Variants in TRAPPC6B observed in about 807,000 individuals in gnomAD.
TRAPPC6B encodes the protein trafficking protein particle complex subunit 6B.
In TRAPPC6B, 27 loss-of-function variants were observed where a neutral mutation model predicts 24.7. The observed-to-expected ratio is 1.09, with a 90% CI of 0.81 to 1.51. The LOEUF (loss-of-function observed/expected upper bound fraction) is 1.51. Among genes scored for constraint, TRAPPC6B ranks in the 40% most tolerant of loss-of-function variants. TRAPPC6B has a pLI of 0.00. For synonymous variants in TRAPPC6B, 80 were observed against 66.6 expected (o/e 1.20, Z -0.98); for missense variants, 212 against 190.8 (o/e 1.11, Z -0.66).
At chr14:39,150,469 G>A (rs2052898695) in intron 5 of TRAPPC6B, 88 bp from the exon 6 acceptor site, 3 of 972,680 alleles carry the variant, frequency 3.1e-6, no homozygotes, top group Non-Finnish European at 4.6e-6. Flanking sequence ...ATAGGAAATA[G>A]TTTCAGTCAA....
rs2053073488 is a variant in TRAPPC6B at position 39,162,890 on chromosome 14, C to T, written c.82-3340G>A. On this transcript the variant is annotated intron_variant, in intron 1 of 5. Transcript: ENST00000330149. ...TTCAACCTTCTGCAGATGCACTCTGCCCCGTCCCTTAAACATGCCAGGCAC... is the reference window on the plus strand; with the variant it reads ...TTCAACCTTCTGCAGATGCACTCTGTCCCGTCCCTTAAACATGCCAGGCAC... Among the ~76,000 whole-genome samples, 3 of 143,506 alleles carry T rather than the reference C, an allele frequency of 2.1e-5. No homozygotes were observed. The South Asian group carries it at 6.2e-4, about 30-fold the overall frequency. 94.1% of individuals were successfully genotyped at this position (143,506 alleles called of 152,430 possible). A position where few individuals can be genotyped will look rare whatever the true frequency, so the allele number is the denominator to read the frequency against.
chr14:39,151,881 A>G (rs754712268), intron 4 of TRAPPC6B, 42 bp from the exon 5 acceptor site: 1 of 1,332,090 alleles, frequency 7.5e-7, no homozygotes, highest in South Asian at 1.3e-5. Context: ...AGGATTTACT[A>G]AAATAGTAAA....
chr14:39,152,134 A>G (rs574783177), intron 4 of TRAPPC6B, among the ~76,000 whole-genome samples: 2 of 152,310 alleles, frequency 1.3e-5, no homozygotes, highest in Admixed American at 1.3e-4. Flanking sequence ...TTAGTTCTGG[A>G]GGCAGTAAAG....
rs188037992 is a variant in TRAPPC6B, at chr14:39,158,328, G to A, written c.224C>T (p.Thr75Met). The A allele has an allele frequency of 2.1e-5, 33 of 1,602,672 alleles. No individual in the cohort carries two copies. Among genetic ancestry groups the A allele is most frequent in the African/African-American group, 2.7e-5 (2 of 74,400 alleles). The stretch of plus-strand genomic sequence containing the variant: ...ATTGTCGATTTGTTTCTTGAATACC[G>A]TAGTCCAAAAATCTTTACAAATGAA... ...MKFICKDFWT[T>M]VFKKQIDNLR... The change falls in exon 3 of 6, where the codon ACG becomes ATG. Residue 75 changes from threonine to methionine, a missense_variant. Thr to Met is a moderately conservative substitution (Grantham distance 81). Transcript: ENST00000330149.
In TRAPPC6B at chr14:39,164,004, G is replaced by A. The variant is rs1208521943; in HGVS notation, c.82-4454C>T. Among the ~76,000 whole-genome samples the A allele has an allele frequency of 4.0e-5, 6 of 148,272 alleles. 1 individual carries two copies. The highest frequency in any genetic ancestry group is 1.6e-4 in the African/African-American group (6 of 37,868). The stretch of plus-strand genomic sequence containing the variant: ...CCCAACCCCCCATACACTGTAGTCC[G>A]GTGGAGCCTATCTTTTACAAGCTTT... On this transcript the variant is annotated intron_variant, in intron 1 of 5. Coordinates refer to ENST00000330149, the MANE Select transcript of TRAPPC6B (RefSeq NM_001079537.2).
At chr14:39,168,128 A>T (rs1311205883) in intron 1 of TRAPPC6B, among the ~76,000 whole-genome samples, 1 of 151,920 alleles carries the variant, frequency 6.6e-6, no homozygotes, top group Non-Finnish European at 1.5e-5. Context: ...AAGCAGGAGA[A>T]TCGCTTGAAC....
Position 39,150,203 on chromosome 14 carries a change from C to T in TRAPPC6B, c.*147G>A. 1.5e-6 allele frequency: 1 copy of T among 659,806 alleles called. No homozygotes were observed. Among genetic ancestry groups the T allele is most frequent in the Non-Finnish European group, 2.5e-6 (1 of 406,184 alleles). The allele number at this position is 659,806 out of a possible 1,614,324, so 40.9% of individuals were successfully genotyped here. A position where few individuals can be genotyped will look rare whatever the true frequency, so the allele number is the denominator to read the frequency against. On this transcript the variant is annotated 3_prime_UTR_variant, in exon 6 of 6. Transcript: ENST00000330149. The stretch of plus-strand genomic sequence containing the variant: ...ATGTCATGGCAGAATGTCCCTTCAT[C>T]TCCTTTGATCTGTGTTAAATTGATA...
intron 1 of TRAPPC6B, among the ~76,000 whole-genome samples, chr14:39,160,812 T>C (rs961873663): frequency 1.3e-5 from 2 of 152,350 alleles, no homozygotes; most frequent in Non-Finnish European, 1.5e-5. Context: ...ACAGCCGATG[T>C]TGGTAGGAAT....
At chr14:39,159,279 ATATTTT>A (rs574160256) in intron 2 of TRAPPC6B, 198 bp downstream of exon 2, 221 of 276,340 alleles carry the variant, frequency 8.0e-4, no homozygotes, top group African/African-American at 4.5e-3. Flanking sequence ...TATAAAATAT[ATATTTT>A]CTTTAAACAT....
At position 39,158,315 on chromosome 14, in the gene TRAPPC6B, T is replaced by A; in HGVS notation, c.237A>T (p.Lys79Asn). 1 of 1,598,936 alleles carries A rather than the reference T, an allele frequency of 6.3e-7. No homozygotes were observed. Among genetic ancestry groups the A allele is most frequent in the South Asian group, 1.1e-5 (1 of 87,574 alleles). The change falls in exon 3 of 6, where the codon AAA becomes AAT. Residue 79 changes from lysine (K) to asparagine (N), a missense_variant. Physicochemically the swap from Lys to Asn is moderately conservative, Grantham distance 94 (BLOSUM62 0). Coordinates refer to ENST00000330149, the MANE Select transcript of TRAPPC6B (RefSeq NM_001079537.2). ...GATTTGTCCTTAGATTGTCGATTTG[T>A]TTCTTGAATACCGTAGTCCAAAAAT... ...CKDFWTTVFK[K>N]QIDNLRTNHQ...
intron 2 of TRAPPC6B, 48 bp from the exon 3 acceptor site, chr14:39,158,450 G>C (rs1214638967): frequency 1.9e-6 from 2 of 1,070,434 alleles, no homozygotes; most frequent in African/African-American, 1.6e-5. Flanking sequence ...TCCAAAAAAA[G>C]CAAGAGGGAC....
intron 3 of TRAPPC6B, 113 bp downstream of exon 3, chr14:39,158,172 A>T: frequency 1.6e-6 from 1 of 641,750 alleles, no homozygotes; most frequent in South Asian, 2.2e-5. Context: ...AATAACATAA[A>T]CATATTCCAA....
chr14:39,150,075 A>G lies in TRAPPC6B; in HGVS notation c.*275T>C, dbSNP rs532004694. On this transcript the variant is annotated 3_prime_UTR_variant, in exon 6 of 6. Transcript: ENST00000330149. Reference sequence around the variant, plus strand: ...TGTTTCTCCATCTATGGCTAAATACATATCACTCTAACCAAATAAAAAGGT... The same window carrying G: ...TGTTTCTCCATCTATGGCTAAATACGTATCACTCTAACCAAATAAAAAGGT... 5.4e-5 allele frequency: 16 copies of G among 295,836 alleles called. No individual in the cohort carries two copies. The highest frequency in any genetic ancestry group is 1.7e-4 in the African/African-American group (8 of 45,810). 18.3% of individuals were successfully genotyped at this position (295,836 alleles called of 1,614,324 possible).
intron 4 of TRAPPC6B, among the ~76,000 whole-genome samples, chr14:39,152,512 T>C (rs1179252354): frequency 6.6e-6 from 1 of 152,150 alleles, no homozygotes; most frequent in African/African-American, 2.4e-5. Flanking sequence ...ATTACCCACA[T>C]CTATACTGCA....
intron 1 of TRAPPC6B, among the ~76,000 whole-genome samples, chr14:39,164,718 T>C (rs2053090677): frequency 6.6e-6 from 1 of 152,072 alleles, no homozygotes; most frequent in African/African-American, 2.4e-5. Context: ...GCACCTATAG[T>C]CCCAGCTACT....
intron 4 of TRAPPC6B, 146 bp downstream of exon 4, chr14:39,154,065 T>A (rs2052947431): frequency 1.8e-6 from 1 of 566,882 alleles, no homozygotes; most frequent in Non-Finnish European, 3.1e-6. Context: ...TATTGTAACA[T>A]GTCTCTCATT....
intron 4 of TRAPPC6B, 124 bp from the exon 5 acceptor site, chr14:39,151,963 GA>G: frequency 1.5e-6 from 1 of 665,528 alleles, no homozygotes; most frequent in South Asian, 2.3e-5. Context: ...GGATTTTGAA[GA>G]ACTGTTCAAA....
At position 39,152,832 on chromosome 14, in the gene TRAPPC6B, C is replaced by T. The variant is rs564389619; in HGVS notation, c.352-993G>A. The stretch of plus-strand genomic sequence containing the variant: ...TTTTCACAGCTGAAGAAACCAAGAT[C>T]CCAAAAAGTTAAGTGAGAACCAGAA... On this transcript the variant is annotated intron_variant, in intron 4 of 5. Coordinates refer to ENST00000330149, the MANE Select transcript of TRAPPC6B (RefSeq NM_001079537.2). Among the ~76,000 whole-genome samples, 8 of 152,282 alleles carry T rather than the reference C, an allele frequency of 5.3e-5. No homozygotes were observed. The South Asian group carries it at 1.7e-3, about 32-fold the overall frequency.
chr14:39,159,575 A>G, intron 1 of TRAPPC6B, 25 bp from the exon 2 acceptor site: 8 of 1,556,904 alleles, frequency 5.1e-6, no homozygotes, highest in Admixed American at 1.7e-5. Flanking sequence ...AATAGTTTTA[A>G]ATACTTTTAG....
Sources: allele counts gnomAD v4.1 joint callset (sites outside exome capture counted in the v4.1 genomes callset), GRCh38; gene constraint gnomAD v4.1.1; transcripts MANE v1.5; gene names NCBI Gene and HGNC (gene_info 2026-07-23, HGNC 2026-07-21).